Variants in MAOA observed in about 807,000 individuals in gnomAD.
The protein encoded by MAOA is amine oxidase [flavin-containing] A.
A neutral mutation model predicts 42.0 loss-of-function variants in MAOA; 6 were observed. The observed-to-expected ratio is 0.14, with a 90% CI of 0.08 to 0.28. The LOEUF is 0.28. MAOA is among the 10% of genes least tolerant of loss of function. The pLI is 1.00. For missense variants in MAOA, 262 were observed against 422.3 expected, an observed-to-expected ratio of 0.62 and a Z score of 3.33; for synonymous variants, 140 against 154.0, an observed-to-expected ratio of 0.91 and a Z score of 0.67.
chrX:43,681,029 T>C (rs1227945207), intron 1 of MAOA, among the ~76,000 whole-genome samples: 1 of 110,920 alleles, frequency 9.0e-6, no homozygotes, highest in Non-Finnish European at 1.9e-5. Flanking sequence ...CAGTAGGAGT[T>C]TATATAGGTA....
chrX:43,706,970 C>T (rs1361400831), intron 3 of MAOA, among the ~76,000 whole-genome samples: 1 of 111,991 alleles, frequency 8.9e-6, no homozygotes, highest in East Asian at 2.8e-4. Context: ...TATGAAGTGT[C>T]AGGTCATAAG....
chrX:43,672,069 C>A (rs964060716), intron 1 of MAOA, among the ~76,000 whole-genome samples: 1 of 111,577 alleles, frequency 9.0e-6, no homozygotes, highest in Non-Finnish European at 1.9e-5. Flanking sequence ...TTCTTCCTAC[C>A]CATGAGCATG....
chrX:43,672,380 C>T (rs2033345178), intron 1 of MAOA, among the ~76,000 whole-genome samples: 1 of 110,759 alleles, frequency 9.0e-6, no homozygotes, highest in African/African-American at 3.3e-5. Flanking sequence ...ACAATCATGT[C>T]GTCTGCAAAC....
intron 5 of MAOA, among the ~76,000 whole-genome samples, chrX:43,721,011 G>T (rs1172197349): frequency 1.8e-5 from 2 of 110,765 alleles, no homozygotes; most frequent in Admixed American, 1.9e-4. Flanking sequence ...TGGGGGCAAT[G>T]GTGCCATCCA....
intron 9 of MAOA, among the ~76,000 whole-genome samples, chrX:43,734,270 G>T (rs926932137): frequency 4.6e-5 from 5 of 109,045 alleles, no homozygotes; most frequent in African/African-American, 1.7e-4. Flanking sequence ...AATAATAATT[G>T]GTTATAGAGG....
chrX:43,657,397 C>A (rs1399489148), intron 1 of MAOA, among the ~76,000 whole-genome samples: 1 of 107,437 alleles, frequency 9.3e-6, no homozygotes, highest in Non-Finnish European at 1.9e-5. Context: ...CCTGTTGTAT[C>A]CTCCTTCCTC....
intron 1 of MAOA, among the ~76,000 whole-genome samples, chrX:43,668,675 G>A (rs1006667188): frequency 1.2e-4 from 13 of 111,883 alleles, no homozygotes; most frequent in African/African-American, 3.9e-4. Flanking sequence ...TAGACCATAT[G>A]CTCTTATTTC....
At chrX:43,726,712 C>T (rs1027027039) in intron 5 of MAOA, among the ~76,000 whole-genome samples, 1 of 111,922 alleles carries the variant, frequency 8.9e-6, no homozygotes, top group African/African-American at 3.3e-5. Flanking sequence ...AGTTTTGTTC[C>T]CGTGCTGGCG....
chrX:43,740,434 A>T (rs181138644), intron 10 of MAOA, among the ~76,000 whole-genome samples: 32 of 112,035 alleles, frequency 2.9e-4, no homozygotes, highest in Non-Finnish European at 1.1e-4. Context: ...GCAAAAATGT[A>T]AAAAAAGAAA....
chrX:43,682,430 A>C (rs190141526), intron 1 of MAOA, among the ~76,000 whole-genome samples: 29 of 112,138 alleles, frequency 2.6e-4, no homozygotes, highest in Non-Finnish European at 4.7e-4. Context: ...AAAGGGGCAT[A>C]GGAGCCAACT....
chrX:43,721,200 G>A (rs1285079068), intron 5 of MAOA, among the ~76,000 whole-genome samples: 1 of 111,351 alleles, frequency 9.0e-6, no homozygotes, highest in Non-Finnish European at 1.9e-5. Flanking sequence ...ACAGGGACGG[G>A]TAGATGATGT....
intron 1 of MAOA, among the ~76,000 whole-genome samples, chrX:43,679,011 C>T (rs1254146297): frequency 5.4e-5 from 6 of 111,531 alleles, no homozygotes; most frequent in Non-Finnish European, 9.4e-5. Context: ...AGTAGATTTT[C>T]CTAAATAACT....
chrX:43,661,606 G>A (rs1410843604), intron 1 of MAOA, among the ~76,000 whole-genome samples: 1 of 110,970 alleles, frequency 9.0e-6, no homozygotes, highest in African/African-American at 3.3e-5. Flanking sequence ...ATGCCTCTAG[G>A]TATGTGATCC....
intron 7 of MAOA, 72 bp downstream of exon 7, chrX:43,731,462 A>T: frequency 1.9e-6 from 2 of 1,070,302 alleles, no homozygotes; most frequent in Non-Finnish European, 2.6e-6. Context: ...AACCAGATAT[A>T]ATTCAAGCAG....
At chrX:43,679,008 TTTCC>T (rs2033422336) in intron 1 of MAOA, among the ~76,000 whole-genome samples, 1 of 111,942 alleles carries the variant, frequency 8.9e-6, no homozygotes, top group African/African-American at 3.2e-5. Flanking sequence ...TATAGTAGAT[TTTCC>T]TAAATAACTT....
At chrX:43,691,618 T>TA (rs916789312) in intron 2 of MAOA, among the ~76,000 whole-genome samples, 8 of 111,447 alleles carry the variant, frequency 7.2e-5, no homozygotes, top group African/African-American at 2.3e-4. Context: ...AGATTTTCCC[T>TA]AAAAAAATCA....
intron 1 of MAOA, among the ~76,000 whole-genome samples, chrX:43,671,409 G>A (rs778400778): frequency 1.4e-4 from 16 of 112,092 alleles, no homozygotes; most frequent in Non-Finnish European, 2.5e-4. Flanking sequence ...TCACTCTGAC[G>A]GTAGTTTCTT....
At chrX:43,663,822 T>G (rs778149230) in intron 1 of MAOA, among the ~76,000 whole-genome samples, 2 of 112,397 alleles carry the variant, frequency 1.8e-5, no homozygotes, top group African/African-American at 3.2e-5. Flanking sequence ...ATGACAAATC[T>G]ATTTCCTTGT....
intron 9 of MAOA, among the ~76,000 whole-genome samples, chrX:43,735,424 A>G (rs1427691272): frequency 8.9e-6 from 1 of 112,258 alleles, no homozygotes; most frequent in Non-Finnish European, 1.9e-5. Context: ...TAAATAGAAT[A>G]TATTTGATTA....
Sources: allele counts gnomAD v4.1 joint callset (sites outside exome capture counted in the v4.1 genomes callset), GRCh38; gene constraint gnomAD v4.1.1; transcripts MANE v1.5; gene names NCBI Gene and HGNC (gene_info 2026-07-23, HGNC 2026-07-21).